SMUG1: variants seen among roughly 807,000 people sequenced by gnomAD.
The protein encoded by SMUG1 is single-strand-selective monofunctional uracil-DNA glycosylase 1, also known as single-strand selective monofunctional uracil DNA glycosylase.
A neutral mutation model predicts 23.9 loss-of-function variants in SMUG1; 13 were observed. The ratio of observed to expected loss-of-function variants is 0.54; its 90% CI spans 0.35 to 0.86. SMUG1 has a LOEUF of 0.86. Ranked by LOEUF, SMUG1 falls within the 40% of genes least tolerant of loss-of-function variation. SMUG1 has a pLI of 0.01. For synonymous variants in SMUG1, 133 were observed against 139.8 expected, an observed-to-expected ratio of 0.95 and a Z score of 0.34; for missense variants, 313 against 339.5, an observed-to-expected ratio of 0.92 and a Z score of 0.61.
intron 3 of SMUG1, among the ~76,000 whole-genome samples, chr12:54,167,812 C>T (rs1940519424): frequency 6.6e-6 from 1 of 152,114 alleles, no homozygotes; most frequent in African/African-American, 2.4e-5. Context: ...TTTCCAAGGC[C>T]CCCATATGCT....
chr12:54,169,909 C>G (rs1400748322), intron 3 of SMUG1, among the ~76,000 whole-genome samples: 3 of 152,144 alleles, frequency 2.0e-5, no homozygotes, highest in Admixed American at 2.0e-4. Context: ...TAGAGAAGCT[C>G]ACTGTTGGGC....
chr12:54,183,526 T>G, intron 3 of SMUG1, 130 bp downstream of exon 3: 1 of 912,938 alleles, frequency 1.1e-6, no homozygotes, highest in Non-Finnish European at 1.7e-6. Context: ...GTATATGTGT[T>G]GAGACAGAAT....
intron 2 of SMUG1, chr12:54,174,882 G>A (rs972351319): frequency 2.6e-5 from 4 of 152,242 alleles, no homozygotes; most frequent in African/African-American, 9.6e-5. Flanking sequence ...GCCAAAATAA[G>A]GAGGGAGAGA....
chr12:54,177,333 G>A (rs923578459), downstream of SMUG1, among the ~76,000 whole-genome samples: 2 of 152,076 alleles, frequency 1.3e-5, no homozygotes, highest in African/African-American at 4.8e-5. Flanking sequence ...GGTTAATTCG[G>A]ATTCACTGGC....
At chr12:54,187,635 G>C (rs1250633405) in intron 2 of SMUG1, among the ~76,000 whole-genome samples, 184 bp downstream of exon 2, 4 of 152,196 alleles carry the variant, frequency 2.6e-5, no homozygotes. Context: ...TAACTTCAAA[G>C]CCTGATCTCA....
chr12:54,186,061 C>G (rs1479689917), intron 2 of SMUG1, among the ~76,000 whole-genome samples: 1 of 152,204 alleles, frequency 6.6e-6, no homozygotes, highest in African/African-American at 2.4e-5. Flanking sequence ...CCTGCCTCAA[C>G]TCCCAAAACC....
chr12:54,174,077 A>AGT (rs2136549203), intron 2 of SMUG1, among the ~76,000 whole-genome samples: 1 of 152,246 alleles, frequency 6.6e-6, no homozygotes, highest in South Asian at 2.1e-4. Context: ...TACCCCTTAA[A>AGT]ACGGTACTTG....
At chr12:54,174,836 TTTTG>T (rs1940715095) in intron 2 of SMUG1, among the ~76,000 whole-genome samples, 1 of 152,168 alleles carries the variant, frequency 6.6e-6, no homozygotes, top group Admixed American at 6.5e-5. Context: ...TTTGCAGGTG[TTTTG>T]TTTGTTCTGT....
At chr12:54,161,916 C>CA (rs2136528441), downstream of SMUG1, 1 of 152,560 alleles carries the variant, frequency 6.6e-6, no homozygotes, top group South Asian at 2.1e-4. The surrounding 1 kb of genome is among the most constrained non-coding windows in gnomAD (Gnocchi z 4.2). Flanking sequence ...AGCATAAGAA[C>CA]AAAATGGCAC....
chr12:54,174,042 C>A (rs1349758947), intron 2 of SMUG1, among the ~76,000 whole-genome samples: 2 of 152,130 alleles, frequency 1.3e-5, no homozygotes, highest in East Asian at 3.8e-4. Flanking sequence ...ACAGTGGACT[C>A]CCACTCTAGG....
At position 54,182,312 on chromosome 12, in the gene SMUG1, G is replaced by A. The variant is rs770559337; in HGVS notation, c.597C>T (p.Cys199=). 6.2e-7 allele frequency: 1 copy of A among 1,613,760 alleles called. No individual in the cohort carries two copies. Among genetic ancestry groups the A allele is most frequent in the Non-Finnish European group, 8.5e-7 (1 of 1,179,808 alleles). ...GCACCCCCAGCAGCTGCACCTGCCG[G>A]CAGAGGGCTGCATCACAGATCCCAA... ...QLLGICDAAL[C]RQVQLLGVRL... The change falls in exon 4 of 4, where the codon TGC becomes TGT. Residue 199 remains cysteine (C), a synonymous_variant. Transcript: ENST00000682136.
chr12:54,162,021 G>A (rs1246938344), downstream of SMUG1: 1 of 152,660 alleles, frequency 6.6e-6, no homozygotes, highest in African/African-American at 2.4e-5. Flanking sequence ...AGGCTGGTCA[G>A]TTGAGTGCAG....
At chr12:54,186,306 C>T (rs187757672) in intron 2 of SMUG1, among the ~76,000 whole-genome samples, 2 of 152,014 alleles carry the variant, frequency 1.3e-5, no homozygotes, top group African/African-American at 4.8e-5. Context: ...AAGTAGGTCC[C>T]GTGTGAGGCC....
intron 4 of SMUG1, among the ~76,000 whole-genome samples, chr12:54,159,492 C>T (rs878894217): frequency 2.9e-4 from 44 of 152,232 alleles, no homozygotes; most frequent in African/African-American, 9.2e-4. Flanking sequence ...AATCTCTCCA[C>T]CTGCCCCCAG....
At chr12:54,185,615 A>G (rs1942280862) in intron 2 of SMUG1, among the ~76,000 whole-genome samples, 1 of 151,982 alleles carries the variant, frequency 6.6e-6, no homozygotes, top group Non-Finnish European at 1.5e-5. Flanking sequence ...GTTCAAGATC[A>G]ACCTGGCCAA....
chr12:54,162,612 G>C (rs1249425966), downstream of SMUG1: 1 of 152,192 alleles, frequency 6.6e-6, no homozygotes, highest in Non-Finnish European at 1.5e-5. Context: ...CAAGCAAAGA[G>C]ACTTCAAATG....
downstream of SMUG1, chr12:54,164,398 A>C (rs1180759893): frequency 1.3e-5 from 2 of 152,650 alleles, no homozygotes; most frequent in Non-Finnish European, 2.9e-5. Flanking sequence ...GGCCAGGAGA[A>C]AAAAAAGAAG....
downstream of SMUG1, among the ~76,000 whole-genome samples, chr12:54,179,634 A>G: frequency 6.6e-6 from 1 of 152,090 alleles, no homozygotes; most frequent in East Asian, 1.9e-4. Context: ...CTCGGGGTTT[A>G]AGGGCATACT....
At chr12:54,167,563 G>A (rs1940509976) in intron 3 of SMUG1, among the ~76,000 whole-genome samples, 1 of 150,932 alleles carries the variant, frequency 6.6e-6, no homozygotes, top group Non-Finnish European at 1.5e-5. Flanking sequence ...CTCTCCTCAT[G>A]GAACTCCAGT....
Sources: gnomAD v4.1 joint callset for allele counts (sites outside exome capture counted in the v4.1 genomes callset) on GRCh38, gnomAD v4.1.1 for gene constraint, Gnocchi (gnomAD v3.1) non-coding constraint, MANE v1.5 for transcripts, NCBI Gene and HGNC (gene_info 2026-07-23, HGNC 2026-07-21) for gene names.